Variants in SMAD2 observed in about 807,000 individuals in gnomAD.
SMAD2 encodes the protein SMAD family member 2, also known as MAD homolog 2.
Under a neutral mutation model 64.4 loss-of-function variants are expected in SMAD2, and 8 were observed. The observed-to-expected ratio is 0.12, with a 90% CI of 0.07 to 0.22. The LOEUF (loss-of-function observed/expected upper bound fraction) is 0.22. Ranked by LOEUF, SMAD2 falls within the 10% of genes least tolerant of loss-of-function variation. The pLI, the probability that SMAD2 is intolerant of heterozygous loss-of-function variation, is 1.00. For synonymous variants in SMAD2, 203 were observed against 195.8 expected (o/e 1.04, Z -0.31); for missense variants, 289 against 561.2 (o/e 0.51, Z 4.90).
intron 6 of SMAD2, among the ~76,000 whole-genome samples, chr18:47,861,123 A>C (rs2031148494): frequency 6.6e-6 from 1 of 152,170 alleles, no homozygotes; most frequent in Non-Finnish European, 1.5e-5. Context: ...TGGGAGGCCG[A>C]GGCGGGTGGA....
chr18:47,860,125 T>C (rs546951990), intron 6 of SMAD2, among the ~76,000 whole-genome samples: 1 of 152,114 alleles, frequency 6.6e-6, no homozygotes, highest in South Asian at 2.1e-4. Flanking sequence ...CGAAGTGAGA[T>C]CCTGTCTCAA....
chr18:47,856,750 GT>G (rs1332285560), intron 6 of SMAD2, among the ~76,000 whole-genome samples: 3 of 149,852 alleles, frequency 2.0e-5, no homozygotes, highest in Non-Finnish European at 3.0e-5. Flanking sequence ...TTACAGCATT[GT>G]TTTTTAATTT....
Position 47,819,410 on chromosome 18 carries a change from CAT to C in SMAD2, c.*22415_*22416del, listed in dbSNP as rs1230362807. On this transcript the variant is annotated 3_prime_UTR_variant, in exon 11 of 11. Coordinates refer to ENST00000262160, the MANE Select transcript of SMAD2 (RefSeq NM_005901.6). ...CATTTTTATGGTTCTTAATTGAACA[CAT>C]GATACTCACAGGTAATAAAAATGGT... 16 of 152,282 alleles carry C rather than the reference CAT, an allele frequency of 1.1e-4. No individual in the cohort carries two copies. Among genetic ancestry groups the C allele is most frequent in the East Asian group, 3.9e-4 (2 of 5,184 alleles). 9.4% of individuals were successfully genotyped at this position (152,282 alleles called of 1,614,324 possible).
At chr18:47,903,714 T>C (rs192947296) in intron 1 of SMAD2, among the ~76,000 whole-genome samples, 3 of 151,952 alleles carry the variant, frequency 2.0e-5, no homozygotes, top group Non-Finnish European at 4.4e-5. Context: ...ATCACAGATA[T>C]CAAAGTTACA....
intron 6 of SMAD2, among the ~76,000 whole-genome samples, chr18:47,864,574 TTCA>T (rs1468478460): frequency 6.6e-6 from 1 of 152,200 alleles, no homozygotes; most frequent in Admixed American, 6.5e-5. Context: ...AATTTTTTTC[TTCA>T]TCACTTTTTG....
chr18:47,900,806 T>C (rs1164913170), intron 1 of SMAD2, among the ~76,000 whole-genome samples: 1 of 152,202 alleles, frequency 6.6e-6, no homozygotes, highest in Non-Finnish European at 1.5e-5. Flanking sequence ...CAGTTTAAAA[T>C]ATTTTCTAAT....
chr18:47,854,885 T>A (rs907157232), intron 6 of SMAD2, among the ~76,000 whole-genome samples: 2 of 152,188 alleles, frequency 1.3e-5, no homozygotes, highest in African/African-American at 4.8e-5. Flanking sequence ...GTCCATAATT[T>A]ACATTAGGGC....
chr18:47,926,557 T>C (rs943182804), intron 1 of SMAD2, among the ~76,000 whole-genome samples: 1 of 152,000 alleles, frequency 6.6e-6, no homozygotes, highest in Non-Finnish European at 1.5e-5. Context: ...CATAATCTAC[T>C]TGTTTCTAAT....
intron 6 of SMAD2, among the ~76,000 whole-genome samples, chr18:47,861,287 G>C (rs537162313): frequency 1.3e-3 from 200 of 152,176 alleles, no homozygotes; most frequent in African/African-American, 4.7e-3. Flanking sequence ...TCATGCCATT[G>C]CACTCTAGCC....
At chr18:47,865,979 G>T (rs1970666) in intron 5 of SMAD2, among the ~76,000 whole-genome samples, 1 of 152,062 alleles carries the variant, frequency 6.6e-6, no homozygotes, top group South Asian at 2.1e-4. Flanking sequence ...AGTTTTGAGC[G>T]ATTCAAGATA....
Position 47,841,475 on chromosome 18 carries a change from T to C in SMAD2, c.*352A>G. On this transcript the variant is annotated 3_prime_UTR_variant, in exon 11 of 11. Transcript: ENST00000262160. ...CTCATCTATGCAAACTAAAAATGTA[T>C]ATAAACAGCACAATACTGTGATACT... 1 of 393,072 alleles carries C rather than the reference T, an allele frequency of 2.5e-6. No individual in the cohort carries two copies. Among genetic ancestry groups the C allele is most frequent in the Non-Finnish European group, 4.8e-6 (1 of 210,132 alleles). 24.3% of individuals were successfully genotyped at this position (393,072 alleles called of 1,614,324 possible). A position where few individuals can be genotyped will look rare whatever the true frequency, so the allele number is the denominator to read the frequency against.
rs928612901 is a variant in SMAD2 at position 47,827,568 on chromosome 18, T to G, written c.*14259A>C. On this transcript the variant is annotated 3_prime_UTR_variant, in exon 11 of 11. Transcript: ENST00000262160. ...CTGTACTGCCGCCATCTCGGCTCAC[T>G]GCAACCTCCCTGCCTGATTCTCCTG... The G allele has an allele frequency of 6.5e-6, 1 of 153,536 alleles. No individual in the cohort carries two copies. Among genetic ancestry groups the G allele is most frequent in the African/African-American group, 2.4e-5 (1 of 41,476 alleles). 9.5% of individuals were successfully genotyped at this position (153,536 alleles called of 1,614,324 possible).
Position 47,820,481 on chromosome 18 carries a change from A to G in SMAD2, c.*21346T>C, listed in dbSNP as rs1568014162. The G allele has an allele frequency of 6.6e-6, 1 of 152,210 alleles. No individual in the cohort carries two copies. Among genetic ancestry groups the G allele is most frequent in the African/African-American group, 2.4e-5 (1 of 41,460 alleles). The allele number at this position is 152,210 out of a possible 1,614,324, so 9.4% of individuals were successfully genotyped here. On this transcript the variant is annotated 3_prime_UTR_variant, in exon 11 of 11. Transcript: ENST00000262160. The stretch of plus-strand genomic sequence containing the variant: ...AGGTTGTTTCAAATATGGAAACAAG[A>G]CAGAAAGGAACCACTAAGTAGGAGG...
At chr18:47,914,000 G>A (rs138427165) in intron 1 of SMAD2, among the ~76,000 whole-genome samples, 6 of 152,276 alleles carry the variant, frequency 3.9e-5, no homozygotes, top group Admixed American at 2.6e-4. Flanking sequence ...ATTACTCACC[G>A]GAAAGTTTCA....
At chr18:47,863,953 T>C (rs1455165843) in intron 6 of SMAD2, among the ~76,000 whole-genome samples, 1 of 152,184 alleles carries the variant, frequency 6.6e-6, no homozygotes, top group Admixed American at 6.5e-5. Flanking sequence ...TTGTCCTTTT[T>C]TGATTATAGC....
At chr18:47,893,787 T>C (rs998080316) in intron 2 of SMAD2, among the ~76,000 whole-genome samples, 7 of 152,160 alleles carry the variant, frequency 4.6e-5, no homozygotes, top group African/African-American at 1.4e-4. Flanking sequence ...AGCTACAGTG[T>C]GTAAAAAGTT....
In SMAD2 at chr18:47,814,100, G is replaced by C. The variant is rs574811296; in HGVS notation, c.*27727C>G. 2.0e-5 allele frequency: 3 copies of C among 152,186 alleles called. No individual in the cohort carries two copies. The highest frequency in any genetic ancestry group is 7.2e-5 in the African/African-American group (3 of 41,436). The allele number at this position is 152,186 out of a possible 1,614,324, so 9.4% of individuals were successfully genotyped here. A position where few individuals can be genotyped will look rare whatever the true frequency, so the allele number is the denominator to read the frequency against. ...TAGGACCAGAACAGGCAAAGGCACTGAAGCAAGAGAGTCTGGGGCAAGAAT... is the reference window on the plus strand; with the variant it reads ...TAGGACCAGAACAGGCAAAGGCACTCAAGCAAGAGAGTCTGGGGCAAGAAT... On this transcript the variant is annotated 3_prime_UTR_variant, in exon 11 of 11. Coordinates refer to ENST00000262160, the MANE Select transcript of SMAD2 (RefSeq NM_005901.6).
chr18:47,854,230 A>G (rs1169972036), intron 6 of SMAD2, among the ~76,000 whole-genome samples: 2 of 152,194 alleles, frequency 1.3e-5, no homozygotes, highest in Non-Finnish European at 2.9e-5. Context: ...AGTGTGAATT[A>G]GCAGTGTCTA....
At chr18:47,910,510 T>C (rs748144349) in intron 1 of SMAD2, among the ~76,000 whole-genome samples, 25 of 152,178 alleles carry the variant, frequency 1.6e-4, no homozygotes, top group Non-Finnish European at 3.7e-4. Flanking sequence ...GAAACATTTT[T>C]GGAGAAATGA....
Sources: allele counts gnomAD v4.1 joint callset (sites outside exome capture counted in the v4.1 genomes callset), GRCh38; gene constraint gnomAD v4.1.1; transcripts MANE v1.5; gene names NCBI Gene and HGNC (gene_info 2026-07-23, HGNC 2026-07-21).